The following SPTBN5 variants were observed in gnomAD, a reference collection of about 807,000 sequenced individuals.
The protein encoded by SPTBN5 is spectrin beta, non-erythrocytic 5.
A neutral mutation model predicts 477.6 loss-of-function variants in SPTBN5; 513 were observed. The ratio of observed to expected loss-of-function variants is 1.07; its 90% confidence interval spans 1.00 to 1.16. The LOEUF (loss-of-function observed/expected upper bound fraction) is 1.16, where lower values mean the gene tolerates loss of function less well. SPTBN5 is among the 50% of genes most tolerant of loss of function. The pLI is 0.00. For missense variants in SPTBN5, 5,062 were observed against 4,731.8 expected, an observed-to-expected ratio of 1.07 and a Z score of -2.05; for synonymous variants, 2,169 against 2,011.7, an observed-to-expected ratio of 1.08 and a Z score of -2.09.
intron 17 of SPTBN5, among the ~76,000 whole-genome samples, chr15:41,877,722 C>G (rs146328667): frequency 6.6e-6 from 1 of 152,362 alleles, no homozygotes; most frequent in African/African-American, 2.4e-5. Context: ...ACAGGTAACA[C>G]CCTTGTGTGA....
At chr15:41,871,296 CCT>C (rs2140942917) in intron 29 of SPTBN5, 77 bp downstream of exon 29, 1 of 1,323,240 alleles carries the variant, frequency 7.6e-7, no homozygotes, top group Non-Finnish European at 9.7e-7. Context: ...AGCATGCCAT[CCT>C]CTCTTACCAC....
At chr15:41,869,551 C>T (rs1056187080) in intron 32 of SPTBN5, among the ~76,000 whole-genome samples, 10 of 152,194 alleles carry the variant, frequency 6.6e-5, no homozygotes, top group Non-Finnish European at 1.0e-4. Flanking sequence ...ATCTGGGTCT[C>T]CAGTTATGAG....
chr15:41,855,010 A>G (rs1437957172), intron 55 of SPTBN5, 34 bp from the exon 56 acceptor site: 2 of 1,504,974 alleles, frequency 1.3e-6, no homozygotes. Context: ...GGGTCACTTG[A>G]GATGGTATCA....
chr15:41,893,575 G>A (rs2067381702), intron 1 of SPTBN5, 29 bp from the exon 2 acceptor site: 2 of 1,515,520 alleles, frequency 1.3e-6, no homozygotes, highest in South Asian at 1.2e-5. Flanking sequence ...AGGGGATGAT[G>A]TGAATGGAGA....
chr15:41,849,376 G>T (rs1414158683), intron 67 of SPTBN5, among the ~76,000 whole-genome samples: 1 of 152,194 alleles, frequency 6.6e-6, no homozygotes, highest in Admixed American at 6.5e-5. Flanking sequence ...TTGCCATGGA[G>T]TGGGGATTGG....
In SPTBN5 at chr15:41,893,012, T is replaced by A. The variant is rs551427683; in HGVS notation, c.266A>T (p.His89Leu). ...NLYTELADGI[H>L]LLRLLELISG... Reference sequence around the variant, plus strand: ...GATGAGCTCCAGCAGCCGCAGGAGGTGGATGCCGTCAGCCAGCTCTGTGTA... The same window carrying A: ...GATGAGCTCCAGCAGCCGCAGGAGGAGGATGCCGTCAGCCAGCTCTGTGTA... The change falls in exon 3 of 68, where the codon CAC becomes CTC. Residue 89 changes from histidine (H) to leucine (L), a missense_variant. Physicochemically the swap from His to Leu is moderately conservative, Grantham distance 99. Coordinates refer to ENST00000320955, the MANE Select transcript of SPTBN5 (RefSeq NM_016642.4). The A allele has an allele frequency of 6.2e-7, 1 of 1,610,474 alleles. No homozygotes were observed. The highest frequency in any genetic ancestry group is 1.7e-5 in the Admixed American group (1 of 59,926).
rs1255629836 is a variant in SPTBN5 at position 41,852,049 on chromosome 15, G to A, written c.10584+133C>T. The A allele has an allele frequency of 2.6e-6, 3 of 1,134,578 alleles. No individual in the cohort carries two copies. In the East Asian group the frequency reaches 7.3e-5, roughly 28 times the overall value. 70.3% of individuals were successfully genotyped at this position (1,134,578 alleles called of 1,614,324 possible). A position where few individuals can be genotyped will look rare whatever the true frequency, so the allele number is the denominator to read the frequency against. On this transcript the variant is annotated intron_variant, in intron 62 of 67. Transcript: ENST00000320955. The stretch of plus-strand genomic sequence containing the variant: ...GTAGACAGCCATCTTTATTCCTAAT[G>A]ACCTTCAGCTCCTGTGCCCGGGCTC...
At chr15:41,849,396 G>A (rs942743395) in intron 67 of SPTBN5, among the ~76,000 whole-genome samples, 1 of 152,220 alleles carries the variant, frequency 6.6e-6, no homozygotes, top group Non-Finnish European at 1.5e-5. Context: ...GGGAAAGCAG[G>A]GGAGGACCAG....
intron 59 of SPTBN5, 119 bp from the exon 60 acceptor site, chr15:41,853,119 T>TG (rs2065827711): frequency 1.1e-5 from 16 of 1,435,306 alleles, no homozygotes; most frequent in Non-Finnish European, 1.5e-5. Flanking sequence ...GACCCGCACC[T>TG]GCCCCTTCCC....
intron 9 of SPTBN5, 116 bp from the exon 10 acceptor site, chr15:41,882,854 TCAA>T: frequency 7.1e-7 from 1 of 1,407,008 alleles, no homozygotes; most frequent in East Asian, 2.5e-5. Flanking sequence ...CCTGGATGAC[TCAA>T]CAGGTGAGAC....
At position 41,855,361 on chromosome 15, in the gene SPTBN5, C is replaced by T; in HGVS notation, c.9286G>A (p.Ala3096Thr). The T allele has an allele frequency of 6.2e-7, 1 of 1,605,260 alleles. No individual in the cohort carries two copies. The highest frequency in any genetic ancestry group is 8.5e-7 in the Non-Finnish European group (1 of 1,179,596). The stretch of plus-strand genomic sequence containing the variant: ...TGCTCCTGCAGGCCGTGCCCCCTGG[C>T]CTCCGCCCTCCGCAGCAGCTCTGCG... ...AHAELLRRAE[A>T]RGHGLQEQLQ... The change falls in exon 55 of 68, where the codon GCC (alanine) becomes ACC (threonine). Residue 3096 changes from alanine (A) to threonine (T), a missense_variant. Physicochemically the swap from Ala to Thr is moderately conservative, Grantham distance 58. Transcript: ENST00000320955.
rs1031789481 is a variant in SPTBN5, at chr15:41,881,174, C to A, written c.2518G>T (p.Ala840Ser). The change falls in exon 13 of 68, where the codon GCT becomes TCT. Residue 840 changes from alanine to serine, a missense_variant. Transcript: ENST00000320955. ...TCCCCAGGGCCAGGGTGGCAGGAAGCCTCACTCCAGGGCCCTGGGTTCCTC... is the reference window on the plus strand; with the variant it reads ...TCCCCAGGGCCAGGGTGGCAGGAAGACTCACTCCAGGGCCCTGGGTTCCTC... ...SLRNPGPWSEASCHPGPGDAW... is the reference protein window; with the variant it reads ...SLRNPGPWSESSCHPGPGDAW... 5 of 1,613,158 alleles carry A rather than the reference C, an allele frequency of 3.1e-6. No individual in the cohort carries two copies. Among genetic ancestry groups the A allele is most frequent in the East Asian group, 4.5e-5 (2 of 44,884 alleles).
intron 4 of SPTBN5, among the ~76,000 whole-genome samples, chr15:41,888,556 G>A (rs1595516325): frequency 1.3e-5 from 2 of 152,206 alleles, no homozygotes; most frequent in Non-Finnish European, 2.9e-5. Context: ...TGCCTCCCAG[G>A]TTCAAGCAAT....
At chr15:41,850,963 A>C in intron 65 of SPTBN5, 24 bp from the exon 66 acceptor site, 1 of 1,594,848 alleles carries the variant, frequency 6.3e-7, no homozygotes, top group Non-Finnish European at 8.5e-7. Flanking sequence ...TCACAGGTCA[A>C]ACTCCACTGT....
In SPTBN5 at chr15:41,850,309, C is replaced by T. The variant is rs554968025; in HGVS notation, c.10922-350G>A. ...GGGGAACCAGCGACAGAGCTAGGAT[C>T]CCAGACACATTCCCTGAACACACGG... On this transcript the variant is annotated intron_variant, in intron 66 of 67. Transcript: ENST00000320955. 2.2e-5 allele frequency: 7 copies of T among 321,166 alleles called. No homozygotes were observed. In the Admixed American group the frequency reaches 2.9e-4, roughly 13 times the overall value. 19.9% of individuals were successfully genotyped at this position (321,166 alleles called of 1,614,324 possible).
At chr15:41,850,335 T>G in intron 66 of SPTBN5, 1 of 279,188 alleles carries the variant, frequency 3.6e-6, no homozygotes, top group Non-Finnish European at 6.9e-6. Flanking sequence ...GAACACACGG[T>G]CCACACGGAG....
rs763648292 is a variant in SPTBN5 at position 41,862,246 on chromosome 15, T to C, written c.7432A>G (p.Met2478Val). Residue 2478 changes from methionine (M) to valine (V), a missense_variant, in exon 44 of 68, where the codon ATG (methionine) becomes GTG (valine). Transcript: ENST00000320955. The stretch of plus-strand genomic sequence containing the variant: ...GCGCTGACCAGCAATTCCTGCAGCA[T>C]TGCCTGGAGTTTCTGAGCTTGGTGC... The part of the protein sequence containing the change: ...ALHQAQKLQA[M>V]LQELLVSAQR... The C allele has an allele frequency of 2.5e-6, 4 of 1,610,828 alleles. No individual in the cohort carries two copies. Among genetic ancestry groups the C allele is most frequent in the Admixed American group, 3.3e-5 (2 of 59,880 alleles).
At chr15:41,850,201 A>AACTCACCT in intron 66 of SPTBN5, 7 of 516,792 alleles carry the variant, frequency 1.4e-5, no homozygotes, top group South Asian at 2.2e-5. Context: ...AGCCTTTCTT[A>AACTCACCT]GGAGGTGGGA....
chr15:41,872,795 A>G (rs1226858087), intron 26 of SPTBN5, among the ~76,000 whole-genome samples: 1 of 152,238 alleles, frequency 6.6e-6, no homozygotes, highest in Non-Finnish European at 1.5e-5. Flanking sequence ...AGAGAGAGGC[A>G]GAGTTAAACA....
Sources: allele counts gnomAD v4.1 joint callset (sites outside exome capture counted in the v4.1 genomes callset), GRCh38; gene constraint gnomAD v4.1.1; transcripts MANE v1.5; gene names NCBI Gene and HGNC (gene_info 2026-07-23, HGNC 2026-07-21).